CD2AP: variants seen among roughly 807,000 people sequenced by gnomAD.
CD2AP encodes CD2-associated protein.
CD2AP carries 46 observed loss-of-function variants against 85.1 expected under a neutral mutation model. The ratio of observed to expected loss-of-function variants is 0.54; its 90% CI spans 0.43 to 0.69. The LOEUF (loss-of-function observed/expected upper bound fraction) is 0.69, where lower values mean the gene tolerates loss of function less well. Among genes scored for constraint, CD2AP ranks in the 30% least tolerant of loss-of-function variants. The probability of loss-of-function intolerance (pLI) is 0.00; values close to 1 mark genes in which losing one functional copy is unlikely to be tolerated. For synonymous variants in CD2AP, 255 were observed against 252.9 expected (o/e 1.01, Z -0.08); for missense variants, 769 against 729.5 (o/e 1.05, Z -0.62).
chr6:47,614,729 C>T (rs1769535773), intron 17 of CD2AP, among the ~76,000 whole-genome samples: 1 of 152,168 alleles, frequency 6.6e-6, no homozygotes, highest in South Asian at 2.1e-4. Context: ...GTAGACAATG[C>T]AGTATCTGTG....
chr6:47,535,285 T>G (rs1463993572), intron 3 of CD2AP, among the ~76,000 whole-genome samples: 1 of 152,242 alleles, frequency 6.6e-6, no homozygotes, highest in Non-Finnish European at 1.5e-5. Context: ...AATGAATATT[T>G]AATCACATTT....
intron 2 of CD2AP, among the ~76,000 whole-genome samples, chr6:47,513,359 G>A (rs1249770403): frequency 1.3e-5 from 2 of 152,074 alleles, no homozygotes; most frequent in Non-Finnish European, 2.9e-5. Context: ...TGCTTGGGCA[G>A]TCTAAGTTAT....
chr6:47,591,715 A>G (rs10456570), intron 11 of CD2AP, among the ~76,000 whole-genome samples: 40,885 of 152,032 alleles, frequency 0.27, 5,687 homozygotes, highest in African/African-American at 0.33. Flanking sequence ...ATGTATTGCT[A>G]TATTCTGAAG....
chr6:47,478,395 T>C, intron 1 of CD2AP, 147 bp downstream of exon 1: 1 of 942,660 alleles, frequency 1.1e-6, no homozygotes, highest in East Asian at 2.6e-5. Flanking sequence ...CCGCCCCTTC[T>C]TGCCCTGCCT....
chr6:47,569,446 G>A (rs1408459668), intron 5 of CD2AP, among the ~76,000 whole-genome samples: 3 of 151,888 alleles, frequency 2.0e-5, no homozygotes, highest in Admixed American at 6.6e-5. Context: ...CGAATAAGTT[G>A]CAAAGTGGTG....
At chr6:47,584,432 T>G (rs1370304959) in intron 11 of CD2AP, among the ~76,000 whole-genome samples, 2 of 152,010 alleles carry the variant, frequency 1.3e-5, no homozygotes, top group Non-Finnish European at 2.9e-5. Context: ...TTTTTTTTTT[T>G]TTGGCATGTG....
chr6:47,590,732 A>T (rs1328632416), intron 11 of CD2AP, among the ~76,000 whole-genome samples: 1 of 152,158 alleles, frequency 6.6e-6, no homozygotes, highest in Non-Finnish European at 1.5e-5. Context: ...ATGTACATGT[A>T]ATTGGAGGAC....
intron 1 of CD2AP, among the ~76,000 whole-genome samples, chr6:47,493,533 C>T (rs1765785019): frequency 6.6e-6 from 1 of 151,924 alleles, no homozygotes; most frequent in Non-Finnish European, 1.5e-5. Context: ...TGTGATACAT[C>T]TAGGTGTAGT....
At chr6:47,515,235 G>A (rs912535923) in intron 2 of CD2AP, among the ~76,000 whole-genome samples, 1 of 152,004 alleles carries the variant, frequency 6.6e-6, no homozygotes, top group Non-Finnish European at 1.5e-5. Context: ...CTAAAAGCAT[G>A]GGTTAAAGTA....
At chr6:47,505,212 T>G (rs1766108743) in intron 2 of CD2AP, among the ~76,000 whole-genome samples, 1 of 145,364 alleles carries the variant, frequency 6.9e-6, no homozygotes, top group African/African-American at 2.6e-5. Flanking sequence ...TACTTGAGAT[T>G]AGGGATTGGT....
At chr6:47,551,013 G>A (rs551800439) in intron 4 of CD2AP, among the ~76,000 whole-genome samples, 1 of 152,212 alleles carries the variant, frequency 6.6e-6, no homozygotes, top group East Asian at 1.9e-4. Context: ...ATGACACAAT[G>A]GACTTTGGGG....
At chr6:47,521,854 A>G (rs896207491) in intron 2 of CD2AP, among the ~76,000 whole-genome samples, 4 of 151,906 alleles carry the variant, frequency 2.6e-5, no homozygotes, top group African/African-American at 7.3e-5. Context: ...CGTCTCTACT[A>G]AAAATACAAA....
At chr6:47,613,776 A>G (rs1022294732) in intron 17 of CD2AP, among the ~76,000 whole-genome samples, 1 of 152,192 alleles carries the variant, frequency 6.6e-6, no homozygotes, top group African/African-American at 2.4e-5. Context: ...CTCTCTAGTT[A>G]TGGAAGTCCT....
At chr6:47,553,290 A>G (rs575813652) in intron 4 of CD2AP, among the ~76,000 whole-genome samples, 1 of 151,758 alleles carries the variant, frequency 6.6e-6, no homozygotes, top group South Asian at 2.1e-4. Flanking sequence ...TTCTAGCTAT[A>G]TTGTGTGTAG....
At chr6:47,622,784 G>A (rs1769790513) in intron 17 of CD2AP, among the ~76,000 whole-genome samples, 1 of 152,188 alleles carries the variant, frequency 6.6e-6, no homozygotes, top group South Asian at 2.1e-4. Context: ...TCGGTCTGGA[G>A]TTAAAATACA....
At chr6:47,547,436 G>A (rs1020304339) in intron 4 of CD2AP, among the ~76,000 whole-genome samples, 1 of 151,988 alleles carries the variant, frequency 6.6e-6, no homozygotes, top group African/African-American at 2.4e-5. Context: ...GACAAAGAGG[G>A]ACATTACATA....
At chr6:47,523,749 T>C (rs149763215) in intron 2 of CD2AP, among the ~76,000 whole-genome samples, 32 of 152,286 alleles carry the variant, frequency 2.1e-4, no homozygotes, top group Admixed American at 1.2e-3. Context: ...GGATTTACAT[T>C]TGATAAAGTG....
rs908778690 is a variant in CD2AP, at chr6:47,522,885, A to G, written c.166-10717A>G. On this transcript the variant is annotated intron_variant, in intron 2 of 17. Transcript: ENST00000359314. ...TAAAATCTTTTTTAAAGCTACTTGA[A>G]AAATTAGCAATATGAAGAATAAGAG... 7.6e-4 allele frequency among the ~76,000 whole-genome samples: 115 copies of G among 152,040 alleles called. 5 individuals are homozygous for G. The highest frequency in any genetic ancestry group is 2.9e-4 in the Non-Finnish European group (20 of 67,908).
chr6:47,506,789 G>T (rs1442009718), intron 2 of CD2AP, among the ~76,000 whole-genome samples: 54 of 130,678 alleles, frequency 4.1e-4, no homozygotes, highest in Admixed American at 2.5e-3. Context: ...TGGGGAGAGG[G>T]AGACGGAGGG....
Sources: gnomAD v4.1 joint callset for allele counts (sites outside exome capture counted in the v4.1 genomes callset) on GRCh38, gnomAD v4.1.1 for gene constraint, MANE v1.5 for transcripts, NCBI Gene and HGNC (gene_info 2026-07-23, HGNC 2026-07-21) for gene names.